The following RNF213 variants were observed in gnomAD, a reference collection of about 807,000 sequenced individuals.
The protein encoded by RNF213 is E3 ubiquitin-protein ligase RNF213.
A neutral mutation model predicts 514.4 loss-of-function variants in RNF213; 341 were observed. That is an observed-to-expected ratio of 0.66 (90% CI 0.61 to 0.73). The LOEUF is 0.73. Ranked by LOEUF, RNF213 falls within the 30% of genes least tolerant of loss-of-function variation. The probability of loss-of-function intolerance (pLI) is 0.00; values close to 1 mark genes in which losing one functional copy is unlikely to be tolerated. For synonymous variants in RNF213, 2,655 were observed against 2,658.2 expected (o/e 1.00, Z 0.04); for missense variants, 5,767 against 6,615.6 (o/e 0.87, Z 4.45).
intron 3 of RNF213, among the ~76,000 whole-genome samples, chr17:80,287,183 ACT>A (rs1342200026): frequency 4.7e-5 from 7 of 150,060 alleles, no homozygotes; most frequent in Admixed American, 1.3e-4. Flanking sequence ...AACATGGGAG[ACT>A]CTGCCTCTAC....
chr17:80,354,047 T>C lies in RNF213; in HGVS notation c.10607T>C (p.Leu3536Pro), dbSNP rs1315937511. The change falls in exon 35 of 68, where the codon CTG becomes CCG. Residue 3536 changes from leucine to proline, a missense_variant. This residue lies in a region of RNF213 where 919 missense variants were observed against 1,121.0 expected (regional missense o/e 0.82). Coordinates refer to ENST00000582970, the MANE Select transcript of RNF213 (RefSeq NM_001256071.3). ...DVSILDTTRL[L>P]RSCVQSAVGM... Reference sequence around the variant, plus strand: ...TCGATCCTGGACACCACCAGGCTGCTGAGAAGCTGTGTGCAGAGCGCCGTG... The same window carrying C: ...TCGATCCTGGACACCACCAGGCTGCCGAGAAGCTGTGTGCAGAGCGCCGTG... The C allele has an allele frequency of 6.2e-7, 1 of 1,613,808 alleles. No individual in the cohort carries two copies. Among genetic ancestry groups the C allele is most frequent in the African/African-American group, 1.3e-5 (1 of 74,938 alleles).
intron 60 of RNF213, 149 bp from the exon 61 acceptor site, chr17:80,385,389 C>T (rs767976567): frequency 1.7e-5 from 15 of 878,082 alleles, no homozygotes; most frequent in South Asian, 7.1e-5. Context: ...TCCTCAAACT[C>T]GGCTCACTCC....
chr17:80,377,505 C>G lies in RNF213; in HGVS notation c.13511-257C>G, dbSNP rs1407988190. Among the ~76,000 whole-genome samples the G allele has an allele frequency of 6.6e-6, 1 of 151,794 alleles. No individual in the cohort carries two copies. The highest frequency in any genetic ancestry group is 1.9e-4 in the East Asian group (1 of 5,190). On this transcript the variant is annotated intron_variant, in intron 53 of 67. Transcript: ENST00000582970. This position sits in a 1 kb window ranked among gnomAD's most constrained non-coding sequence, Gnocchi z 4.1. The stretch of plus-strand genomic sequence containing the variant: ...GTCCACCTTGCCTCCAAAAGTACCC[C>G]TGGTATGGGCCTATATTCTAATTGC...
intron 1 of RNF213, among the ~76,000 whole-genome samples, chr17:80,262,058 C>A (rs1365058268): frequency 6.6e-6 from 1 of 151,906 alleles, no homozygotes; most frequent in African/African-American, 2.4e-5. Flanking sequence ...GTCTGTGGTT[C>A]CCCAGTGTAG....
At chr17:80,313,307 G>C in intron 15 of RNF213, 140 bp downstream of exon 15, 1 of 1,163,536 alleles carries the variant, frequency 8.6e-7, no homozygotes, top group East Asian at 2.3e-5. Flanking sequence ...CTACAAAATG[G>C]AGTTGCTCCT....
intron 14 of RNF213, 77 bp from the exon 15 acceptor site, chr17:80,312,935 G>A (rs1401736814): frequency 1.9e-6 from 3 of 1,546,872 alleles, no homozygotes; most frequent in African/African-American, 1.4e-5. Flanking sequence ...AGGGAGGAGA[G>A]GAGGGGGTGC....
intron 17 of RNF213, among the ~76,000 whole-genome samples, chr17:80,322,145 TCC>T (rs58281950): frequency 1.1e-5 from 1 of 88,702 alleles, no homozygotes; most frequent in Non-Finnish European, 2.1e-5. Flanking sequence ...TTGCCCCTCA[TCC>T]CCCCCACCCC....
chr17:80,290,824 T>TC, intron 7 of RNF213, 96 bp downstream of exon 7: 1 of 1,421,406 alleles, frequency 7.0e-7, no homozygotes, highest in Non-Finnish European at 9.7e-7. Flanking sequence ...TTTTTTTTTT[T>TC]TCTGAGACGG....
intron 26 of RNF213, chr17:80,341,597 G>A (rs2078156615): frequency 6.6e-6 from 1 of 152,074 alleles, no homozygotes; most frequent in South Asian, 2.1e-4. Flanking sequence ...AATTAGCCAG[G>A]CATGGTGGTG....
Position 80,398,342 on chromosome 17 carries a change from CAA to C in RNF213, c.*4846_*4847del, listed in dbSNP as rs1160007548. The C allele has an allele frequency of 5.3e-5, 8 of 151,964 alleles. No homozygotes were observed. Among genetic ancestry groups the C allele is most frequent in the Non-Finnish European group, 1.0e-4 (7 of 68,022 alleles). The allele number at this position is 151,964 out of a possible 1,614,324, so 9.4% of individuals were successfully genotyped here. A position where few individuals can be genotyped will look rare whatever the true frequency, so the allele number is the denominator to read the frequency against. On this transcript the variant is annotated 3_prime_UTR_variant, in exon 68 of 68. Transcript: ENST00000582970. ...GTCTTGAAGAAGCATGGGTCAAGCA[CAA>C]AGTAAGACCACCCCACTAGGAACTA...
At position 80,346,345 on chromosome 17, in the gene RNF213, C is replaced by A; in HGVS notation, c.8010C>A (p.Ser2670Arg). The change falls in exon 29 of 68, where the codon AGC becomes AGA. Residue 2670 changes from serine to arginine, a missense_variant. Physicochemically the swap from Ser to Arg is moderately radical, Grantham distance 110. Coordinates refer to ENST00000582970, the MANE Select transcript of RNF213 (RefSeq NM_001256071.3). The surrounding 1 kb of genome is among the most constrained non-coding windows in gnomAD (Gnocchi z 8.1). ...AQLNAFLSKS[S>R]VSKNHTERDP... ...TGAATGCCTTTCTCTCCAAGTCCAG[C>A]GTCAGCAAAAATCACACCGAGAGAG... is the stretch of plus-strand genomic sequence containing the variant. 6.2e-7 allele frequency: 1 copy of A among 1,613,686 alleles called. No homozygotes were observed. The highest frequency in any genetic ancestry group is 8.5e-7 in the Non-Finnish European group (1 of 1,180,020).
intron 11 of RNF213, among the ~76,000 whole-genome samples, chr17:80,299,229 A>G (rs2045082349): frequency 1.0e-5 from 1 of 98,682 alleles, no homozygotes; most frequent in African/African-American, 4.7e-5. Context: ...TTAGCGTTCC[A>G]GCCAGAGAGA....
intron 25 of RNF213, 24 bp downstream of exon 25, chr17:80,338,021 CGCTAA>C (rs1568090445): frequency 6.5e-7 from 1 of 1,536,932 alleles, no homozygotes; most frequent in African/African-American, 1.4e-5. Flanking sequence ...TTTGCAGTGG[CGCTAA>C]GCTGGTGGTG....
At chr17:80,349,995 TGAG>T in intron 30 of RNF213, 89 bp downstream of exon 30, 1 of 1,417,830 alleles carries the variant, frequency 7.1e-7, no homozygotes, top group Non-Finnish European at 9.9e-7. Flanking sequence ...CGCCGGTTAA[TGAG>T]CGCCACAGTC....
intron 56 of RNF213, 40 bp from the exon 57 acceptor site, chr17:80,381,507 C>T (rs2080001347): frequency 6.2e-7 from 1 of 1,608,312 alleles, no homozygotes; most frequent in African/African-American, 1.3e-5. Flanking sequence ...TCTCTACAAA[C>T]CAGATCCCCG....
At position 80,353,124 on chromosome 17, in the gene RNF213, G is replaced by A. The variant is rs1196301836; in HGVS notation, c.10423+65G>A. 16 of 1,598,696 alleles carry A rather than the reference G, an allele frequency of 1.0e-5. No individual in the cohort carries two copies. The highest frequency in any genetic ancestry group is 3.3e-4 in the Middle Eastern group (2 of 6,064). ...GAAGGGCAGATGGCAGGTGTGGAGC[G>A]TGGCGTGCACATGGCACTAGGAGCA... is the stretch of plus-strand genomic sequence containing the variant. On this transcript the variant is annotated intron_variant, in intron 33 of 67. Coordinates refer to ENST00000582970, the MANE Select transcript of RNF213 (RefSeq NM_001256071.3). The surrounding 1 kb of genome is among the most constrained non-coding windows in gnomAD (Gnocchi z 5.0).
chr17:80,301,687 G>A (rs1356490399), intron 11 of RNF213, among the ~76,000 whole-genome samples: 1 of 152,178 alleles, frequency 6.6e-6, no homozygotes, highest in Non-Finnish European at 1.5e-5. Context: ...ATACAGTGTA[G>A]GAATGTAAAT....
chr17:80,335,976 CA>C (rs11340394), intron 22 of RNF213, among the ~76,000 whole-genome samples, 184 bp from the exon 23 acceptor site: 74,434 of 118,326 alleles, frequency 0.63, 20,897 homozygotes, highest in Middle Eastern at 0.7. Flanking sequence ...GACTCTGTCT[CA>C]AAAAAAAAAA....
intron 6 of RNF213, among the ~76,000 whole-genome samples, chr17:80,290,313 G>A (rs1373629325): frequency 1.3e-5 from 2 of 152,048 alleles, no homozygotes; most frequent in South Asian, 2.1e-4. Flanking sequence ...GGGTGTGTGC[G>A]TGTGCGTTCA....
Sources: gnomAD v4.1 joint callset for allele counts (sites outside exome capture counted in the v4.1 genomes callset) on GRCh38, gnomAD v4.1.1 for gene constraint, gnomAD v4.1.1 regional missense constraint, Gnocchi (gnomAD v3.1) non-coding constraint, MANE v1.5 for transcripts, NCBI Gene and HGNC (gene_info 2026-07-23, HGNC 2026-07-21) for gene names.